The following CCDC150 variants were observed in gnomAD, a reference collection of about 807,000 sequenced individuals.
CCDC150 encodes the protein coiled-coil domain containing 150, also known as coiled-coil domain-containing protein 150.
Under a neutral mutation model 156.5 loss-of-function variants are expected in CCDC150, and 151 were observed. The ratio of observed to expected loss-of-function variants is 0.97; its 90% CI spans 0.85 to 1.10. CCDC150 has a LOEUF of 1.10. Among genes scored for constraint, CCDC150 ranks in the 50% least tolerant of loss-of-function variants. The pLI is 0.00. For missense variants in CCDC150, 1,312 were observed against 1,268.1 expected (o/e 1.03, Z -0.53); for synonymous variants, 452 against 429.4 (o/e 1.05, Z -0.65).
chr2:196,656,372 T>C (rs1490832263), intron 2 of CCDC150, among the ~76,000 whole-genome samples: 1 of 152,128 alleles, frequency 6.6e-6, no homozygotes, highest in Non-Finnish European at 1.5e-5. Context: ...GGATATTTTC[T>C]CAGTTGCCGG....
intron 22 of CCDC150, among the ~76,000 whole-genome samples, chr2:196,728,903 A>G (rs1698367980): frequency 6.6e-6 from 1 of 152,228 alleles, no homozygotes; most frequent in Non-Finnish European, 1.5e-5. Flanking sequence ...TAAGTACTGA[A>G]GCTGATATTT....
intron 13 of CCDC150, among the ~76,000 whole-genome samples, chr2:196,686,917 C>A (rs552789505): frequency 1.2e-4 from 19 of 152,244 alleles, no homozygotes; most frequent in Non-Finnish European, 2.5e-4. Context: ...CCAGCTCCAT[C>A]CATGATCACG....
chr2:196,716,761 A>G (rs930996840), intron 17 of CCDC150, among the ~76,000 whole-genome samples: 1 of 152,022 alleles, frequency 6.6e-6, no homozygotes, highest in African/African-American at 2.4e-5. Context: ...CTTATTGTAT[A>G]TCAGTTATAC....
intron 15 of CCDC150, among the ~76,000 whole-genome samples, chr2:196,707,299 G>C (rs1696721939): frequency 6.6e-6 from 1 of 152,128 alleles, no homozygotes; most frequent in Non-Finnish European, 1.5e-5. Context: ...TTGTGTAGAG[G>C]TGTTTATAGT....
chr2:196,708,601 T>A (rs1247597011), intron 15 of CCDC150, among the ~76,000 whole-genome samples: 1 of 152,318 alleles, frequency 6.6e-6, no homozygotes, highest in African/African-American at 2.4e-5. Context: ...CTTCATAGCA[T>A]CAGTGATCTT....
rs1575799774 is a variant in CCDC150 at position 196,671,299 on chromosome 2, A to G, written c.937-1046A>G. 2.6e-5 allele frequency among the ~76,000 whole-genome samples: 4 copies of G among 152,182 alleles called. No individual in the cohort carries two copies. In the South Asian group the frequency reaches 8.3e-4, roughly 32 times the overall value. On this transcript the variant is annotated intron_variant, in intron 8 of 27. Transcript: ENST00000389175. ...TCTCCATAGATTTGCCTTTTCCAGA[A>G]TGCCATATAGTTGGAATCATATAGT...
At chr2:196,723,522 G>A (rs533502180) in intron 21 of CCDC150, among the ~76,000 whole-genome samples, 5 of 152,114 alleles carry the variant, frequency 3.3e-5, no homozygotes, top group East Asian at 1.9e-4. Flanking sequence ...AAAGATAAAC[G>A]CTAAAGCTTT....
intron 5 of CCDC150, among the ~76,000 whole-genome samples, chr2:196,662,655 G>A (rs1000914005): frequency 6.6e-6 from 1 of 152,078 alleles, no homozygotes; most frequent in African/African-American, 2.4e-5. Flanking sequence ...TGGCCCCAGG[G>A]GTTGGCGACC....
chr2:196,642,263 G>A (rs151043982), intron 1 of CCDC150, among the ~76,000 whole-genome samples: 2 of 152,318 alleles, frequency 1.3e-5, no homozygotes, highest in African/African-American at 4.8e-5. Context: ...AGCCATTAGA[G>A]GTAGATTGTT....
intron 15 of CCDC150, among the ~76,000 whole-genome samples, chr2:196,703,356 A>G (rs1207927588): frequency 6.6e-6 from 1 of 152,214 alleles, no homozygotes; most frequent in Non-Finnish European, 1.5e-5. Flanking sequence ...AAGAACTACA[A>G]TAAAAAGAAT....
chr2:196,657,393 A>C lies in CCDC150; in HGVS notation c.576+257A>C, dbSNP rs1403308566. ...GTGATGGTGTGGGTCCAGAGGTATG[A>C]GATAGAGCCTGTGCTCTTCAGGAAC... On this transcript the variant is annotated intron_variant, in intron 4 of 27. Transcript: ENST00000389175. 7.7e-6 allele frequency: 3 copies of C among 388,590 alleles called. No homozygotes were observed. The East Asian group carries it at 1.5e-4, about 19-fold the overall frequency. The allele number at this position is 388,590 out of a possible 1,614,324, so 24.1% of individuals were successfully genotyped here.
Position 196,720,667 on chromosome 2 carries a change from A to AAG in CCDC150, c.2258_2259insAG (p.Ile754GlyfsTer9). 1 of 1,612,600 alleles carries AAG rather than the reference A, an allele frequency of 6.2e-7. No individual in the cohort carries two copies. Among genetic ancestry groups the AAG allele is most frequent in the Non-Finnish European group, 8.5e-7 (1 of 1,179,192 alleles). On this transcript the variant is annotated frameshift_variant and splice_region_variant, in exon 20 of 28. Transcript: ENST00000389175. LOFTEE classifies it high-confidence loss of function. Reference sequence around the variant, plus strand: ...GTCATGGAGGACCAGCACAACAGTGAGGTTGGAGCCAGGCTTTAAAAAATG... The same window carrying AAG: ...GTCATGGAGGACCAGCACAACAGTGAAGGGTTGGAGCCAGGCTTTAAAAAATG...
intron 15 of CCDC150, among the ~76,000 whole-genome samples, chr2:196,701,776 GA>G (rs1353031145): frequency 6.6e-6 from 1 of 152,170 alleles, no homozygotes; most frequent in Non-Finnish European, 1.5e-5. Context: ...ATGCAGCATA[GA>G]AAAAATAGGT....
At chr2:196,680,041 ATG>A (rs1453964731) in intron 13 of CCDC150, among the ~76,000 whole-genome samples, 2 of 152,230 alleles carry the variant, frequency 1.3e-5, no homozygotes, top group South Asian at 2.1e-4. Context: ...TTTGTCAGAT[ATG>A]TGTTTTATAG....
chr2:196,646,777 G>A (rs1034183190), intron 2 of CCDC150, among the ~76,000 whole-genome samples: 4 of 151,502 alleles, frequency 2.6e-5, no homozygotes, highest in African/African-American at 9.7e-5. Context: ...AAACAAACAT[G>A]TAATTTTTCA....
rs1559225822 is a variant in CCDC150, at chr2:196,666,705, T to G, written c.763-14T>G. On this transcript the variant is annotated splice_polypyrimidine_tract_variant and intron_variant, in intron 6 of 27. Transcript: ENST00000389175. ...TTATCTCACAGAAAAAGAGTTTTTCTTATACAATTTCAGGTGCACATTTTG... is the reference window on the plus strand; with the variant it reads ...TTATCTCACAGAAAAAGAGTTTTTCGTATACAATTTCAGGTGCACATTTTG... 6.3e-7 allele frequency: 1 copy of G among 1,580,122 alleles called. No individual in the cohort carries two copies. Among genetic ancestry groups the G allele is most frequent in the East Asian group, 2.3e-5 (1 of 44,346 alleles).
At chr2:196,705,160 A>G (rs1696528218) in intron 15 of CCDC150, among the ~76,000 whole-genome samples, 1 of 152,240 alleles carries the variant, frequency 6.6e-6, no homozygotes, top group Admixed American at 6.5e-5. Context: ...ACTAGTTTAC[A>G]CTTCCACCAA....
chr2:196,661,441 C>T (rs538065292), intron 5 of CCDC150, among the ~76,000 whole-genome samples: 1 of 152,236 alleles, frequency 6.6e-6, no homozygotes, highest in East Asian at 1.9e-4. Context: ...CCTGGTGTCT[C>T]TGTGTGTCCA....
At chr2:196,726,153 C>A in intron 22 of CCDC150, 54 bp downstream of exon 22, 1 of 1,595,486 alleles carries the variant, frequency 6.3e-7, no homozygotes, top group African/African-American at 1.3e-5. Context: ...GGATAAGCAG[C>A]TCAAGGATTT....
Sources: gnomAD v4.1 joint callset for allele counts (sites outside exome capture counted in the v4.1 genomes callset) on GRCh38, gnomAD v4.1.1 for gene constraint, MANE v1.5 for transcripts, NCBI Gene and HGNC (gene_info 2026-07-23, HGNC 2026-07-21) for gene names.